SCN9A: variants seen among roughly 807,000 people sequenced by gnomAD.
The protein encoded by SCN9A is sodium channel protein type 9 subunit alpha.
A neutral mutation model predicts 187.0 loss-of-function variants in SCN9A; 131 were observed. The observed-to-expected ratio is 0.70, with a 90% CI of 0.61 to 0.81. SCN9A has a LOEUF of 0.81. Ranked by LOEUF, SCN9A falls within the 30% of genes least tolerant of loss-of-function variation. The pLI, the probability that SCN9A is intolerant of heterozygous loss-of-function variation, is 0.00. For synonymous variants in SCN9A, 809 were observed against 808.6 expected, an observed-to-expected ratio of 1.00 and a Z score of -0.01; for missense variants, 2,252 against 2,396.6, an observed-to-expected ratio of 0.94 and a Z score of 1.26.
intron 24 of SCN9A, among the ~76,000 whole-genome samples, chr2:166,205,993 T>C (rs971624042): frequency 2.0e-5 from 3 of 152,154 alleles, no homozygotes; most frequent in Non-Finnish European, 4.4e-5. Context: ...AGAATGGCAA[T>C]CACTAAAAAG....
chr2:166,233,532 G>A lies in SCN9A; in HGVS notation c.3802-70C>T, dbSNP rs722204. On this transcript the variant is annotated intron_variant, in intron 20 of 26. Transcript: ENST00000642356. ...AGCATAAAAGGAAAAAGTCAATTCT[G>A]AAACTCACTAAAAGCAACTCAACAG... The A allele has an allele frequency of 0.85, 1,120,574 of 1,320,958 alleles. 477,202 individuals are homozygous for A. The highest frequency in any genetic ancestry group is 0.86 in the Non-Finnish European group (847,868 of 983,266). 81.8% of individuals were successfully genotyped at this position (1,320,958 alleles called of 1,614,324 possible).
rs369022060 is a variant in SCN9A, at chr2:166,304,031, C to G, written c.688+207G>C. 8 of 1,613,040 alleles carry G rather than the reference C, an allele frequency of 5.0e-6. No homozygotes were observed. In the African/African-American group the frequency reaches 8.0e-5, roughly 16 times the overall value. ...CCCTGGTGTTTAACCCCACTCTCAC[C>G]TGGAATGACTGAAATTGTTTTCAAT... On this transcript the variant is annotated intron_variant, in intron 6 of 26. Transcript: ENST00000642356.
chr2:166,336,628 C>T (rs1359405811), intron 1 of SCN9A, among the ~76,000 whole-genome samples: 1 of 152,036 alleles, frequency 6.6e-6, no homozygotes, highest in African/African-American at 2.4e-5. Context: ...TTACTTGCTC[C>T]TTTGGCTCTA....
intron 24 of SCN9A, among the ~76,000 whole-genome samples, chr2:166,214,454 G>T (rs1029241780): frequency 6.6e-6 from 1 of 150,804 alleles, no homozygotes. Flanking sequence ...CATTCCCCAC[G>T]CCTTCTTCCC....
intron 1 of SCN9A, among the ~76,000 whole-genome samples, chr2:166,371,456 T>C (rs911973099): frequency 6.6e-6 from 1 of 152,172 alleles, no homozygotes; most frequent in Admixed American, 6.5e-5. Context: ...TGATGGCTTT[T>C]TCTTTTGCCT....
chr2:166,231,387 A>T (rs1018118949), intron 21 of SCN9A, among the ~76,000 whole-genome samples: 1 of 152,130 alleles, frequency 6.6e-6, no homozygotes, highest in Non-Finnish European at 1.5e-5. Flanking sequence ...TAATTAAAAT[A>T]GCAGAGATTG....
chr2:166,332,890 T>C (rs1699540005), intron 1 of SCN9A, among the ~76,000 whole-genome samples: 1 of 151,846 alleles, frequency 6.6e-6, no homozygotes, highest in Non-Finnish European at 1.5e-5. Flanking sequence ...GATGCTAACT[T>C]ACTACAATAA....
At chr2:166,337,255 C>G (rs890326580) in intron 1 of SCN9A, among the ~76,000 whole-genome samples, 3 of 152,044 alleles carry the variant, frequency 2.0e-5, no homozygotes, top group African/African-American at 7.2e-5. Context: ...CAAGTTAATA[C>G]TCCAGTGATT....
Position 166,294,601 on chromosome 2 carries a change from T to C in SCN9A, c.963A>G (p.Ser321=). ...AAAAGAAAACAAATATTACATACCC[T>C]GAATCTGTGCTGAAACCACAAAGGA... ...DALLCGFSTD[S]GQCPEGYTCV... is the part of the protein sequence containing the mutation. The change falls in exon 8 of 27, where the codon TCA becomes TCG. Residue 321 remains serine (S), a splice_region_variant and synonymous_variant. Coordinates refer to ENST00000642356, the MANE Select transcript of SCN9A (RefSeq NM_001365536.1). The C allele has an allele frequency of 6.2e-7, 1 of 1,607,908 alleles. No homozygotes were observed. Among genetic ancestry groups the C allele is most frequent in the Non-Finnish European group, 8.5e-7 (1 of 1,175,364 alleles).
chr2:166,290,282 G>A (rs1697985238), intron 9 of SCN9A, among the ~76,000 whole-genome samples: 1 of 152,126 alleles, frequency 6.6e-6, no homozygotes, highest in Non-Finnish European at 1.5e-5. Flanking sequence ...ATTCCATGGT[G>A]TATATGTACC....
At chr2:166,300,320 T>C (rs77285024) in intron 7 of SCN9A, among the ~76,000 whole-genome samples, 2 of 150,724 alleles carry the variant, frequency 1.3e-5, no homozygotes, top group South Asian at 2.1e-4. Flanking sequence ...TCAGGACCTT[T>C]GCCCATGCTA....
At chr2:166,247,010 G>A (rs1304284733) in intron 18 of SCN9A, among the ~76,000 whole-genome samples, 1 of 151,734 alleles carries the variant, frequency 6.6e-6, no homozygotes, top group Non-Finnish European at 1.5e-5. Flanking sequence ...ACTATTAATT[G>A]AATGTAAACA....
intron 1 of SCN9A, among the ~76,000 whole-genome samples, chr2:166,371,109 G>A (rs1246721501): frequency 1.3e-5 from 2 of 152,134 alleles, no homozygotes; most frequent in Admixed American, 1.3e-4. Flanking sequence ...AGTAATATAT[G>A]GCATTTTTGG....
chr2:166,253,816 T>C (rs1653442636), intron 17 of SCN9A, among the ~76,000 whole-genome samples: 1 of 151,782 alleles, frequency 6.6e-6, no homozygotes, highest in African/African-American at 2.4e-5. Flanking sequence ...GAATTGCTGA[T>C]AGAAAGAATA....
chr2:166,294,138 C>G (rs1440047386), intron 8 of SCN9A, among the ~76,000 whole-genome samples: 1 of 152,136 alleles, frequency 6.6e-6, no homozygotes, highest in East Asian at 1.9e-4. Flanking sequence ...ATACAATATT[C>G]TTAAAATATG....
chr2:166,329,522 T>C (rs941624713), intron 1 of SCN9A, among the ~76,000 whole-genome samples: 3 of 148,818 alleles, frequency 2.0e-5, no homozygotes, highest in African/African-American at 4.9e-5. Flanking sequence ...AATTAACATA[T>C]CTACCATCTC....
chr2:166,232,459 T>A, intron 21 of SCN9A, among the ~76,000 whole-genome samples: 1 of 152,162 alleles, frequency 6.6e-6, no homozygotes, highest in Non-Finnish European at 1.5e-5. Context: ...CACTTACCTA[T>A]CTTTTCTAAT....
intron 1 of SCN9A, among the ~76,000 whole-genome samples, chr2:166,321,110 A>C (rs1041316689): frequency 6.6e-6 from 1 of 152,244 alleles, no homozygotes; most frequent in Non-Finnish European, 1.5e-5. Flanking sequence ...AAGGAGAGAA[A>C]AAATTCAATT....
In SCN9A at chr2:166,196,087, CTAAGT is replaced by C. The variant is rs1693241201; in HGVS notation, c.*2580_*2584del. 6.6e-6 allele frequency: 1 copy of C among 152,034 alleles called. No homozygotes were observed. Among genetic ancestry groups the C allele is most frequent in the South Asian group, 2.1e-4 (1 of 4,820 alleles). 9.4% of individuals were successfully genotyped at this position (152,034 alleles called of 1,614,324 possible). A position where few individuals can be genotyped will look rare whatever the true frequency, so the allele number is the denominator to read the frequency against. On this transcript the variant is annotated 3_prime_UTR_variant, in exon 27 of 27. Transcript: ENST00000642356. ...AAAACCTGTTTGCTTCCATTTTATT[CTAAGT>C]TAAGTTCTTCAGTGTAACTGCCTTT...
Sources: gnomAD v4.1 joint callset for allele counts (sites outside exome capture counted in the v4.1 genomes callset) on GRCh38, gnomAD v4.1.1 for gene constraint, MANE v1.5 for transcripts, NCBI Gene and HGNC (gene_info 2026-07-23, HGNC 2026-07-21) for gene names.